RNF2: variants seen among roughly 807,000 people sequenced by gnomAD.
RNF2 encodes the protein ring finger protein 2, also known as E3 ubiquitin-protein ligase RING2.
Under a neutral mutation model 37.2 loss-of-function variants are expected in RNF2, and 6 were observed. That is an observed-to-expected ratio of 0.16 (90% CI 0.09 to 0.32). The LOEUF is 0.32. RNF2 is among the 10% of genes least tolerant of loss of function. The pLI, the probability that RNF2 is intolerant of heterozygous loss-of-function variation, is 1.00. For missense variants in RNF2, 251 were observed against 404.0 expected, an observed-to-expected ratio of 0.62 and a Z score of 3.25; for synonymous variants, 133 against 132.7, an observed-to-expected ratio of 1.00 and a Z score of -0.02.
chr1:185,086,431 G>A (rs946150327), intron 1 of RNF2, among the ~76,000 whole-genome samples: 1 of 152,066 alleles, frequency 6.6e-6, no homozygotes, highest in African/African-American at 2.4e-5. Flanking sequence ...AAGCAGAGAA[G>A]TTGGTCTTAT....
chr1:185,061,191 G>A (rs113287876), intron 1 of RNF2, among the ~76,000 whole-genome samples: 1 of 150,134 alleles, frequency 6.7e-6, no homozygotes, highest in Non-Finnish European at 1.5e-5. Flanking sequence ...GCAGTGGCGG[G>A]ATCTCGGCTC....
At chr1:185,090,854 A>G (rs142218566) in intron 2 of RNF2, among the ~76,000 whole-genome samples, 17 of 152,268 alleles carry the variant, frequency 1.1e-4, no homozygotes, top group African/African-American at 4.1e-4. Flanking sequence ...ATGTCCTGAA[A>G]TTTTACATTG....
At chr1:185,046,448 C>T (rs1650123699) in intron 1 of RNF2, among the ~76,000 whole-genome samples, 1 of 152,166 alleles carries the variant, frequency 6.6e-6, no homozygotes, top group Non-Finnish European at 1.5e-5. Context: ...CGTTTACCTT[C>T]TACAGAAGTC....
chr1:185,049,339 G>A (rs898207848), intron 1 of RNF2, among the ~76,000 whole-genome samples: 7 of 152,132 alleles, frequency 4.6e-5, no homozygotes, highest in Non-Finnish European at 1.0e-4. Flanking sequence ...CATTAAAGGA[G>A]GTGAGTGTGT....
At chr1:185,057,656 G>C (rs1038790902) in intron 1 of RNF2, among the ~76,000 whole-genome samples, 5 of 152,120 alleles carry the variant, frequency 3.3e-5, no homozygotes, top group African/African-American at 1.2e-4. Flanking sequence ...ATTTAGGCTT[G>C]AGAATTCTTT....
chr1:185,083,887 G>A (rs574080094), intron 1 of RNF2, among the ~76,000 whole-genome samples: 5 of 145,910 alleles, frequency 3.4e-5, no homozygotes, highest in African/African-American at 1.3e-4. Flanking sequence ...GATTACAGGT[G>A]TGAGCCACTG....
intron 1 of RNF2, among the ~76,000 whole-genome samples, chr1:185,066,837 G>T (rs1438199441): frequency 6.6e-6 from 1 of 152,130 alleles, no homozygotes; most frequent in Non-Finnish European, 1.5e-5. Context: ...GGGGGCAGGG[G>T]TAGTAGTAGT....
chr1:185,070,827 TG>T (rs1223591147), intron 1 of RNF2, among the ~76,000 whole-genome samples: 1 of 151,870 alleles, frequency 6.6e-6, no homozygotes, highest in Non-Finnish European at 1.5e-5. Context: ...TAGTAGAGAC[TG>T]GGTTTCACCG....
At chr1:185,054,697 T>G (rs1305643270) in intron 1 of RNF2, among the ~76,000 whole-genome samples, 1 of 152,110 alleles carries the variant, frequency 6.6e-6, no homozygotes, top group African/African-American at 2.4e-5. Flanking sequence ...TTTTTAAAAT[T>G]TTTTATTATT....
chr1:185,086,774 GTGGTTTAAAGT>G (rs1651610939), intron 1 of RNF2, among the ~76,000 whole-genome samples: 1 of 152,212 alleles, frequency 6.6e-6, no homozygotes. Context: ...AGAATGACTA[GTGGTTTAAAGT>G]GCTCTAAAGT....
intron 1 of RNF2, among the ~76,000 whole-genome samples, chr1:185,068,087 T>G (rs1013315351): frequency 6.6e-6 from 1 of 151,750 alleles, no homozygotes; most frequent in Admixed American, 6.6e-5. Context: ...CGCTGCAACC[T>G]CTGCCTCCCA....
intron 1 of RNF2, among the ~76,000 whole-genome samples, chr1:185,053,278 G>A (rs1650321461): frequency 6.6e-6 from 1 of 151,386 alleles, no homozygotes; most frequent in Non-Finnish European, 1.5e-5. Context: ...TTATTTTTAT[G>A]TTGATCCACA....
intron 1 of RNF2, among the ~76,000 whole-genome samples, chr1:185,070,224 AGTG>A (rs1219616633): frequency 6.6e-6 from 1 of 152,194 alleles, no homozygotes; most frequent in African/African-American, 2.4e-5. Flanking sequence ...CAGTTTTGCT[AGTG>A]AACCTGAAAA....
intron 4 of RNF2, among the ~76,000 whole-genome samples, chr1:185,097,677 G>A (rs1651950811): frequency 6.6e-6 from 1 of 152,178 alleles, no homozygotes; most frequent in Non-Finnish European, 1.5e-5. Context: ...GAGATGATAG[G>A]TGCACCACCA....
chr1:185,079,944 C>A (rs547543576), intron 1 of RNF2, among the ~76,000 whole-genome samples: 4 of 150,686 alleles, frequency 2.7e-5, no homozygotes, highest in Admixed American at 1.3e-4. Context: ...AAAAAAAAAG[C>A]CAATTGTGTC....
At position 185,093,139 on chromosome 1, in the gene RNF2, C is replaced by T. The variant is rs768411534; in HGVS notation, c.327C>T (p.Leu109=). ...GGCCAGACCCAAACTTTGATGCACT[C>T]ATCAGCAAAATTTATCCAAGTCGTG... The part of the protein sequence containing the change: ...SLRPDPNFDA[L]ISKIYPSRDE... Residue 109 remains leucine (L), a synonymous_variant, in exon 4 of 7, where the codon CTC becomes CTT. Coordinates refer to ENST00000367510, the MANE Select transcript of RNF2 (RefSeq NM_007212.4). 27 of 1,613,884 alleles carry T rather than the reference C, an allele frequency of 1.7e-5. No individual in the cohort carries two copies. Among genetic ancestry groups the T allele is most frequent in the Non-Finnish European group, 2.3e-5 (27 of 1,179,958 alleles).
chr1:185,063,464 CT>C (rs1332353714), intron 1 of RNF2, among the ~76,000 whole-genome samples: 1 of 152,142 alleles, frequency 6.6e-6, no homozygotes, highest in Non-Finnish European at 1.5e-5. Flanking sequence ...ATTTAGTTTT[CT>C]TTTGGCAGAA....
chr1:185,087,717 A>G, intron 2 of RNF2, 77 bp downstream of exon 2: 1 of 1,007,510 alleles, frequency 9.9e-7, no homozygotes, highest in South Asian at 1.3e-5. Flanking sequence ...GAAAACTTAA[A>G]TAGAACATAG....
intron 1 of RNF2, among the ~76,000 whole-genome samples, chr1:185,069,954 C>G (rs1650918372): frequency 6.6e-6 from 1 of 152,252 alleles, no homozygotes; most frequent in Admixed American, 6.5e-5. Context: ...TGATTTTCTG[C>G]TTATGAGGCA....
Sources: allele counts gnomAD v4.1 joint callset (sites outside exome capture counted in the v4.1 genomes callset), GRCh38; gene constraint gnomAD v4.1.1; transcripts MANE v1.5; gene names NCBI Gene and HGNC (gene_info 2026-07-23, HGNC 2026-07-21).